Variants in SLK observed in about 807,000 individuals in gnomAD.
SLK encodes the protein STE20-like serine/threonine-protein kinase.
SLK carries 67 observed loss-of-function variants against 147.7 expected under a neutral mutation model. The ratio of observed to expected loss-of-function variants is 0.45; its 90% CI spans 0.37 to 0.56. The LOEUF is 0.56. SLK is among the 20% of genes least tolerant of loss of function. The probability of loss-of-function intolerance (pLI) is 0.00; values close to 1 mark genes in which losing one functional copy is unlikely to be tolerated. For synonymous variants in SLK, 441 were observed against 475.0 expected, an observed-to-expected ratio of 0.93 and a Z score of 0.93; for missense variants, 1,136 against 1,438.8, an observed-to-expected ratio of 0.79 and a Z score of 3.41.
chr10:104,009,223 C>T (rs1240985306), intron 12 of SLK, among the ~76,000 whole-genome samples: 1 of 152,056 alleles, frequency 6.6e-6, no homozygotes, highest in East Asian at 1.9e-4. Flanking sequence ...ATATAAAAGA[C>T]ACCAGAGACA....
intron 11 of SLK, 83 bp from the exon 12 acceptor site, chr10:104,008,089 AGTTAT>A (rs1844351756): frequency 2.1e-6 from 2 of 943,360 alleles, no homozygotes; most frequent in Non-Finnish European, 3.2e-6. Context: ...TTTAAATACT[AGTTAT>A]GTTCTCTTAG....
At chr10:104,005,854 G>GT in intron 10 of SLK, 58 bp from the exon 11 acceptor site, 1 of 1,545,516 alleles carries the variant, frequency 6.5e-7, no homozygotes, top group Non-Finnish European at 8.7e-7. Flanking sequence ...AAAAAAAAAC[G>GT]TATTTCAGAA....
chr10:104,020,714 C>T lies in SLK; in HGVS notation c.3447+101C>T, dbSNP rs748026439. 40 of 1,280,666 alleles carry T rather than the reference C, an allele frequency of 3.1e-5. No individual in the cohort carries two copies. In the Admixed American group the frequency reaches 3.6e-4, roughly 12 times the overall value. The allele number at this position is 1,280,666 out of a possible 1,614,324, so 79.3% of individuals were successfully genotyped here. On this transcript the variant is annotated intron_variant, in intron 17 of 18. Transcript: ENST00000369755. ...TAGCCAAAGTCAACTGCATCATACA[C>T]GAACATGCTGGGTTTGAGAGGTTCT...
Position 104,013,571 on chromosome 10 carries a change from T to C in SLK, c.2877+2663T>C, listed in dbSNP as rs148026206. On this transcript the variant is annotated intron_variant, in intron 13 of 18. Coordinates refer to ENST00000369755, the MANE Select transcript of SLK (RefSeq NM_014720.4). The stretch of plus-strand genomic sequence containing the variant: ...AACATTTGTATAATTATTCTTTTCG[T>C]TTACAAAAAGTCATTCAGATATATT... Among the ~76,000 whole-genome samples, 759 of 152,336 alleles carry C rather than the reference T, an allele frequency of 5.0e-3. 5 individuals are homozygous for C. The highest frequency in any genetic ancestry group is 0.017 in the African/African-American group (712 of 41,572).
chr10:103,993,712 G>A (rs769283170), intron 4 of SLK, among the ~76,000 whole-genome samples: 34 of 152,116 alleles, frequency 2.2e-4, no homozygotes, highest in Admixed American at 5.2e-4. Context: ...TCTTATGAAA[G>A]TTATAGCGCT....
intron 9 of SLK, among the ~76,000 whole-genome samples, chr10:104,003,804 T>C (rs1247578791): frequency 6.6e-6 from 1 of 152,150 alleles, no homozygotes; most frequent in Admixed American, 6.6e-5. Context: ...ATTGGACATA[T>C]CTAGATGCAA....
In SLK at chr10:104,003,167, G is replaced by A. The variant is rs1844277115; in HGVS notation, c.1989G>A (p.Lys663=). 2 of 1,614,016 alleles carry A rather than the reference G, an allele frequency of 1.2e-6. No individual in the cohort carries two copies. Among genetic ancestry groups the A allele is most frequent in the Non-Finnish European group, 8.5e-7 (1 of 1,179,998 alleles). Residue 663 remains lysine, a synonymous_variant, in exon 9 of 19, where the codon AAG becomes AAA. Coordinates refer to ENST00000369755, the MANE Select transcript of SLK (RefSeq NM_014720.4). ...VRSVVADTDQ[K]ALGSEVQDAS... ...GTGTGGTGGCTGATACTGACCAAAA[G>A]GCTTTAGGAAGTGAAGTTCAGGATG... is the stretch of plus-strand genomic sequence containing the variant.
chr10:103,970,795 T>C (rs1843782825), intron 1 of SLK, among the ~76,000 whole-genome samples: 3 of 152,260 alleles, frequency 2.0e-5, no homozygotes, highest in African/African-American at 7.2e-5. Context: ...AAAGATTATA[T>C]TGTAAATAGA....
At chr10:104,013,833 T>C (rs1459739340) in intron 13 of SLK, among the ~76,000 whole-genome samples, 1 of 152,228 alleles carries the variant, frequency 6.6e-6, no homozygotes, top group Non-Finnish European at 1.5e-5. Flanking sequence ...GTAATGACAA[T>C]AATAGTGATA....
rs1844613097 is a variant in SLK, at chr10:104,027,445, A to T, written c.*1725A>T. On this transcript the variant is annotated 3_prime_UTR_variant, in exon 19 of 19. Transcript: ENST00000369755. ...CACATGAATGTGTTACTGTATACAA[A>T]ACTCTTAATGCTTTATTCTCAAATG... 1 of 152,528 alleles carries T rather than the reference A, an allele frequency of 6.6e-6. No homozygotes were observed. The highest frequency in any genetic ancestry group is 2.4e-5 in the African/African-American group (1 of 41,436). 9.4% of individuals were successfully genotyped at this position (152,528 alleles called of 1,614,324 possible). A position where few individuals can be genotyped will look rare whatever the true frequency, so the allele number is the denominator to read the frequency against.
intron 1 of SLK, among the ~76,000 whole-genome samples, chr10:103,976,343 G>T (rs958535690): frequency 6.6e-6 from 1 of 152,098 alleles, no homozygotes; most frequent in Admixed American, 6.5e-5. Context: ...CTTCCAAAGC[G>T]GTTGTACCAA....
intron 1 of SLK, among the ~76,000 whole-genome samples, chr10:103,982,275 T>A (rs1454788121): frequency 1.3e-5 from 2 of 152,244 alleles, no homozygotes; most frequent in African/African-American, 4.8e-5. Flanking sequence ...CAGTTGTGTT[T>A]GTTTCTGCAT....
intron 18 of SLK, among the ~76,000 whole-genome samples, chr10:104,021,972 AGAG>A (rs891499577): frequency 3.3e-5 from 5 of 152,160 alleles, no homozygotes; most frequent in African/African-American, 1.2e-4. Flanking sequence ...TTTTGTAAGC[AGAG>A]GAGGAGGAGA....
At position 104,002,163 on chromosome 10, in the gene SLK, C is replaced by A; in HGVS notation, c.994-9C>A. ...TTTTAACACTAAAAATACATTAAAT[C>A]TTTTTTAGCCAATACCTGCAAGTAA... On this transcript the variant is annotated splice_polypyrimidine_tract_variant and intron_variant, in intron 8 of 18. Coordinates refer to ENST00000369755, the MANE Select transcript of SLK (RefSeq NM_014720.4). The A allele has an allele frequency of 1.3e-6, 2 of 1,550,152 alleles. No homozygotes were observed. Among genetic ancestry groups the A allele is most frequent in the South Asian group, 1.2e-5 (1 of 81,662 alleles).
Position 103,967,170 on chromosome 10 carries a change from AGGCTGTGTGGGCTGGG to A in SLK, c.-574_-559del, listed in dbSNP as rs1843722545. The stretch of plus-strand genomic sequence containing the variant: ...CGGCGTCGGCGCGCGCTCCAGGCCG[AGGCTGTGTGGGCTGGG>A]GAGGGAGACAGGCGGCGGCGGCGGC... On this transcript the variant is annotated 5_prime_UTR_variant, in exon 1 of 19. Coordinates refer to ENST00000369755, the MANE Select transcript of SLK (RefSeq NM_014720.4). 6.6e-6 allele frequency: 1 copy of A among 151,212 alleles called. No homozygotes were observed. Among genetic ancestry groups the A allele is most frequent in the Non-Finnish European group, 1.5e-5 (1 of 67,836 alleles). 9.4% of individuals were successfully genotyped at this position (151,212 alleles called of 1,614,324 possible).
intron 7 of SLK, 140 bp downstream of exon 7, chr10:104,000,088 TA>T (rs1487843259): frequency 2.2e-6 from 1 of 460,714 alleles, no homozygotes; most frequent in Admixed American, 4.1e-5. Context: ...CTTTACAAAA[TA>T]AATGCTGCTG....
chr10:103,994,051 C>T (rs10748860), intron 4 of SLK, among the ~76,000 whole-genome samples: 73,148 of 151,756 alleles, frequency 0.48, 18,991 homozygotes, highest in East Asian at 0.72. Context: ...TGCACCACCA[C>T]GCCTGGCGAA....
intron 1 of SLK, among the ~76,000 whole-genome samples, chr10:103,968,918 A>G (rs1033277972): frequency 1.3e-5 from 2 of 151,886 alleles, no homozygotes; most frequent in African/African-American, 4.8e-5. Flanking sequence ...CATATTTAGT[A>G]TTGTTTTTTA....
chr10:104,021,338 A>G (rs891197403), intron 17 of SLK, among the ~76,000 whole-genome samples: 47 of 152,318 alleles, frequency 3.1e-4, no homozygotes, highest in African/African-American at 1.1e-3. Context: ...CTGAAGTGTC[A>G]GTTTTATGAG....
Sources: gnomAD v4.1 joint callset for allele counts (sites outside exome capture counted in the v4.1 genomes callset) on GRCh38, gnomAD v4.1.1 for gene constraint, MANE v1.5 for transcripts, NCBI Gene and HGNC (gene_info 2026-07-23, HGNC 2026-07-21) for gene names.